Variants in IGSF10 observed in about 807,000 individuals in gnomAD.
The protein encoded by IGSF10 is calvaria mechanical force protein 608.
Under a neutral mutation model 128.2 loss-of-function variants are expected in IGSF10, and 126 were observed. That is an observed-to-expected ratio of 0.98 (90% CI 0.85 to 1.14). The LOEUF is 1.14. IGSF10 is among the 50% of genes most tolerant of loss of function. The pLI is 0.00. For missense variants in IGSF10, 3,295 were observed against 3,149.8 expected, an observed-to-expected ratio of 1.05 and a Z score of -1.10; for synonymous variants, 1,185 against 1,146.2, an observed-to-expected ratio of 1.03 and a Z score of -0.68.
At chr3:151,488,601 G>A in the IGSF10 span, among the ~76,000 whole-genome samples, 2 of 152,132 alleles carry the variant, frequency 1.3e-5, no homozygotes, top group Non-Finnish European at 2.9e-5. Flanking sequence ...AACCAAAACA[G>A]CATGGTATTT....
chr3:151,528,149 T>C, the IGSF10 span, among the ~76,000 whole-genome samples: 1 of 152,178 alleles, frequency 6.6e-6, no homozygotes, highest in Non-Finnish European at 1.5e-5. Context: ...GGACCTGGCA[T>C]AAGAAAGCTC....
At chr3:151,558,496 T>G in the IGSF10 span, among the ~76,000 whole-genome samples, 1 of 146,888 alleles carries the variant, frequency 6.8e-6, no homozygotes, top group East Asian at 2.0e-4. Context: ...TCACATGACT[T>G]CAGAAGTATG....
the IGSF10 span, among the ~76,000 whole-genome samples, chr3:151,494,895 T>A: frequency 6.6e-6 from 1 of 152,150 alleles, no homozygotes; most frequent in South Asian, 2.1e-4. Context: ...TAGGAAAAAA[T>A]ATTCCAAATA....
At position 151,453,404 on chromosome 3, in the gene IGSF10, T is replaced by C. The variant is rs774433263; in HGVS notation, c.695A>G (p.Asp232Gly). ...TCDCHLKWLS[D>G]WIQEKPDVIK... ...GATACCTGGCTTCTCCTGTATCCAG[T>C]CAGACAACCACTTTAAATGGCAATC... Residue 232 changes from aspartate (D) to glycine (G), a missense_variant, in exon 5 of 8, where the codon GAC becomes GGC. Asp to Gly is a moderately conservative substitution (Grantham distance 94). Transcript: ENST00000282466. 6.2e-7 allele frequency: 1 copy of C among 1,601,044 alleles called. No homozygotes were observed. Among genetic ancestry groups the C allele is most frequent in the Non-Finnish European group, 8.5e-7 (1 of 1,176,356 alleles).
the IGSF10 span, among the ~76,000 whole-genome samples, chr3:151,578,597 C>T: frequency 6.6e-6 from 1 of 152,152 alleles, no homozygotes; most frequent in African/African-American, 2.4e-5. Flanking sequence ...CCAAAGAGAA[C>T]TCCTTTGCAA....
At chr3:151,528,646 G>C in the IGSF10 span, among the ~76,000 whole-genome samples, 1 of 152,208 alleles carries the variant, frequency 6.6e-6, no homozygotes, top group Non-Finnish European at 1.5e-5. Context: ...ATGAGAGACT[G>C]TACCGGGAGG....
Position 151,436,990 on chromosome 3 carries a change from A to ACAAT in IGSF10, c.7567_7570dup (p.Val2524AspfsTer44), listed in dbSNP as rs746719746. On this transcript the variant is annotated frameshift_variant, in exon 8 of 8. Coordinates refer to ENST00000282466, the MANE Select transcript of IGSF10 (RefSeq NM_178822.5). LOFTEE classifies it low-confidence loss of function (END_TRUNC). The stretch of plus-strand genomic sequence containing the variant: ...ATTTGTAATTCGGGGAGGGTAGGCT[A>ACAAT]CAATCATTACTGGAACAGTAATCAG... The ACAAT allele has an allele frequency of 4.0e-5, 64 of 1,614,118 alleles. No individual in the cohort carries two copies. Among genetic ancestry groups the ACAAT allele is most frequent in the Middle Eastern group, 3.3e-4 (2 of 6,084 alleles).
At chr3:151,485,868 C>T in the IGSF10 span, among the ~76,000 whole-genome samples, 1 of 152,268 alleles carries the variant, frequency 6.6e-6, no homozygotes, top group East Asian at 1.9e-4. Flanking sequence ...TGAAGACCAT[C>T]CACACTATGA....
At chr3:151,539,132 T>A in the IGSF10 span, among the ~76,000 whole-genome samples, 1 of 152,132 alleles carries the variant, frequency 6.6e-6, no homozygotes, top group Admixed American at 6.6e-5. Flanking sequence ...CAAATACAGA[T>A]CCCTAGAATT....
chr3:151,449,229 C>G lies in IGSF10; in HGVS notation c.752G>C (p.Ser251Thr), dbSNP rs745409458. ...CATGCAAAGTGGACACTGCTGAGCA[C>G]TAGAGGGACTTCTATCTTTTTTGCA... ...IKCKKDRSPS[S>T]AQQCPLCMNP... The change falls in exon 6 of 8, where the codon AGT (serine) becomes ACT (threonine). Residue 251 changes from serine to threonine, a missense_variant. By Grantham distance (58) the Ser-to-Thr change is moderately conservative. Transcript: ENST00000282466. The G allele has an allele frequency of 6.3e-7, 1 of 1,591,528 alleles. No homozygotes were observed. Among genetic ancestry groups the G allele is most frequent in the Non-Finnish European group, 8.5e-7 (1 of 1,170,358 alleles).
chr3:151,617,452 T>C, the IGSF10 span, among the ~76,000 whole-genome samples: 3 of 151,770 alleles, frequency 2.0e-5, no homozygotes, highest in African/African-American at 7.3e-5. Context: ...GGAATGCTTG[T>C]TCTATTCCTG....
Position 151,438,104 on chromosome 3 carries a change from T to G in IGSF10, c.6457A>C (p.Ile2153Leu). The change falls in exon 8 of 8, where the codon ATC becomes CTC. Residue 2153 changes from isoleucine (I) to leucine (L), a missense_variant. Transcript: ENST00000282466. ...AGGACAGCTGTGTCTCCAGCTTTGA[T>G]TCTCTTGTTGGTTTTGTTACTCTGC... ...IRQSNKTNKR[I>L]KAGDTAVLDC... 3.1e-6 allele frequency: 5 copies of G among 1,614,182 alleles called. No individual in the cohort carries two copies. The highest frequency in any genetic ancestry group is 4.2e-6 in the Non-Finnish European group (5 of 1,180,028).
At chr3:151,459,591 T>C (rs1472740052) in intron 2 of IGSF10, among the ~76,000 whole-genome samples, 3 of 152,168 alleles carry the variant, frequency 2.0e-5, no homozygotes, top group Admixed American at 2.0e-4. Flanking sequence ...TCTGCCTTTT[T>C]CCTTGGTCCC....
At chr3:151,573,141 A>G in the IGSF10 span, among the ~76,000 whole-genome samples, 1 of 152,136 alleles carries the variant, frequency 6.6e-6, no homozygotes, top group African/African-American at 2.4e-5. Flanking sequence ...GGAGTGCCTT[A>G]CTTCCAACTA....
chr3:151,539,236 G>A, the IGSF10 span, among the ~76,000 whole-genome samples: 1 of 152,132 alleles, frequency 6.6e-6, no homozygotes, highest in African/African-American at 2.4e-5. Context: ...CCAGACAAAC[G>A]CTCTGCTTCC....
the IGSF10 span, among the ~76,000 whole-genome samples, chr3:151,533,004 A>G: frequency 1.3e-5 from 2 of 151,726 alleles, no homozygotes; most frequent in East Asian, 3.9e-4. Context: ...AATCATAAGC[A>G]TTCCTATACA....
the IGSF10 span, among the ~76,000 whole-genome samples, chr3:151,467,840 T>C: frequency 6.7e-6 from 1 of 148,902 alleles, no homozygotes; most frequent in African/African-American, 2.5e-5. Context: ...GCCGAGATCG[T>C]GCCACTGCAT....
the IGSF10 span, among the ~76,000 whole-genome samples, chr3:151,466,244 C>T: frequency 6.6e-6 from 1 of 152,052 alleles, no homozygotes; most frequent in African/African-American, 2.4e-5. Context: ...GGTGACCAGG[C>T]GAGGTACCCG....
the IGSF10 span, among the ~76,000 whole-genome samples, chr3:151,483,432 T>A: frequency 6.6e-6 from 1 of 152,012 alleles, no homozygotes; most frequent in Non-Finnish European, 1.5e-5. Flanking sequence ...ACAGCAGATA[T>A]ACAAACAAGA....
Sources: allele counts gnomAD v4.1 joint callset (sites outside exome capture counted in the v4.1 genomes callset), GRCh38; gene constraint gnomAD v4.1.1; transcripts MANE v1.5; gene names NCBI Gene and HGNC (gene_info 2026-07-23, HGNC 2026-07-21).